The following WDPCP variants were observed in gnomAD, a reference collection of about 807,000 sequenced individuals.
WDPCP encodes the protein WD repeat-containing and planar cell polarity effector protein fritz homolog.
Under a neutral mutation model 93.1 loss-of-function variants are expected in WDPCP, and 71 were observed. The ratio of observed to expected loss-of-function variants is 0.76; its 90% confidence interval spans 0.63 to 0.93. WDPCP has a LOEUF of 0.93. Among genes scored for constraint, WDPCP ranks in the 40% least tolerant of loss-of-function variants. WDPCP has a pLI of 0.00. For missense variants in WDPCP, 844 were observed against 887.4 expected (o/e 0.95, Z 0.62); for synonymous variants, 315 against 315.0 (o/e 1.00, Z 0.00).
At chr2:63,252,716 C>T (rs1041523791) in intron 14 of WDPCP, among the ~76,000 whole-genome samples, 17 of 151,892 alleles carry the variant, frequency 1.1e-4, no homozygotes, top group African/African-American at 4.1e-4. Flanking sequence ...ATACACCTAA[C>T]CAAGGAAGTG....
At chr2:63,354,020 A>G (rs974553207) in intron 12 of WDPCP, among the ~76,000 whole-genome samples, 2 of 152,282 alleles carry the variant, frequency 1.3e-5, no homozygotes, top group Non-Finnish European at 1.5e-5. Context: ...CAGAGCCTTC[A>G]GGGGCAACTG....
At chr2:63,443,792 T>C (rs776262918) in intron 6 of WDPCP, among the ~76,000 whole-genome samples, 15 of 152,146 alleles carry the variant, frequency 9.9e-5, no homozygotes, top group Non-Finnish European at 1.9e-4. Flanking sequence ...TTGAGATATA[T>C]TTTAAAAAGT....
Position 63,158,767 on chromosome 2 carries a change from T to C in WDPCP, c.2079-5193A>G, listed in dbSNP as rs575411953. Reference sequence around the variant, plus strand: ...TTTGTTGTTCATTGGATACTTTCAATTGATCTGTCTTCAAGTTCATTGACT... The same window carrying C: ...TTTGTTGTTCATTGGATACTTTCAACTGATCTGTCTTCAAGTTCATTGACT... On this transcript the variant is annotated intron_variant, in intron 15 of 17. Coordinates refer to ENST00000272321, the MANE Select transcript of WDPCP (RefSeq NM_015910.7). Among the ~76,000 whole-genome samples the C allele has an allele frequency of 3.3e-5, 5 of 152,164 alleles. No homozygotes were observed. The East Asian group carries it at 9.7e-4, about 29-fold the overall frequency.
chr2:63,394,278 G>GA (rs758488159), intron 10 of WDPCP, among the ~76,000 whole-genome samples: 4 of 151,810 alleles, frequency 2.6e-5, no homozygotes, highest in Non-Finnish European at 5.9e-5. Context: ...ACAACCATAT[G>GA]AAAAAATGCT....
At chr2:63,360,457 G>GA (rs1377909530) in intron 12 of WDPCP, among the ~76,000 whole-genome samples, 2 of 152,032 alleles carry the variant, frequency 1.3e-5, no homozygotes, top group South Asian at 2.1e-4. Context: ...TTTCCCAAAT[G>GA]AAAAAATTCT....
rs528264652 is a variant in WDPCP at position 63,714,928 on chromosome 2, T to C, written n.309-64090A>G. 3.3e-5 allele frequency among the ~76,000 whole-genome samples: 5 copies of C among 152,334 alleles called. No individual in the cohort carries two copies. The East Asian group carries it at 9.6e-4, about 29-fold the overall frequency. ...TGGCAACAACCCAGGTGTCAATCCA[T>C]AGATGAATGAATAAACCAATTGTGA... On this transcript the variant is annotated intron_variant and non_coding_transcript_variant, in intron 2 of 4. Transcript: ENST00000467687.
intron 9 of WDPCP, among the ~76,000 whole-genome samples, chr2:63,414,213 T>G (rs1695232845): frequency 6.6e-6 from 1 of 152,154 alleles, no homozygotes; most frequent in African/African-American, 2.4e-5. Context: ...CAGAGAACAC[T>G]TCTATGCTGC....
At chr2:63,195,750 CA>C (rs1675383840) in intron 14 of WDPCP, among the ~76,000 whole-genome samples, 1 of 151,682 alleles carries the variant, frequency 6.6e-6, no homozygotes, top group African/African-American at 2.4e-5. Context: ...TTCATGAATT[CA>C]AAAAAACATG....
intron 6 of WDPCP, among the ~76,000 whole-genome samples, chr2:63,479,454 T>A (rs1046227065): frequency 6.6e-6 from 1 of 152,124 alleles, no homozygotes; most frequent in Non-Finnish European, 1.5e-5. Context: ...ACTAGCTAAC[T>A]GAATTCAACA....
At chr2:63,600,240 C>A (rs1709393448) in intron 3 of WDPCP, among the ~76,000 whole-genome samples, 1 of 152,202 alleles carries the variant, frequency 6.6e-6, no homozygotes, top group Admixed American at 6.5e-5. Context: ...ATTTGTTAAG[C>A]ATCTACTGTA....
intron 2 of WDPCP, among the ~76,000 whole-genome samples, chr2:63,790,337 A>G (rs1278204017): frequency 6.6e-6 from 1 of 152,212 alleles, no homozygotes; most frequent in Non-Finnish European, 1.5e-5. Context: ...GGGTGCCCCA[A>G]ATGGGAGAAA....
chr2:63,228,687 G>C (rs1395648568), intron 14 of WDPCP: 1 of 151,758 alleles, frequency 6.6e-6, no homozygotes, highest in African/African-American at 2.4e-5. Flanking sequence ...ATGGTGTTTG[G>C]TTTTTTGTCC....
chr2:63,393,646 A>C (rs1693470594), intron 10 of WDPCP, among the ~76,000 whole-genome samples: 1 of 152,170 alleles, frequency 6.6e-6, no homozygotes, highest in Non-Finnish European at 1.5e-5. Context: ...ACAAAGCTGG[A>C]GGCATCACAA....
intron 13 of WDPCP, among the ~76,000 whole-genome samples, chr2:63,311,721 A>T (rs1686201902): frequency 6.6e-6 from 1 of 152,160 alleles, no homozygotes; most frequent in Non-Finnish European, 1.5e-5. Flanking sequence ...TATTGGCTAA[A>T]CTGAGACCGA....
chr2:63,197,442 G>A (rs954032540), intron 14 of WDPCP, among the ~76,000 whole-genome samples: 1 of 152,048 alleles, frequency 6.6e-6, no homozygotes, highest in East Asian at 1.9e-4. Flanking sequence ...ACTTCATGGG[G>A]GTGCCCCTAA....
chr2:63,433,984 C>G lies in WDPCP; in HGVS notation c.634-48G>C, dbSNP rs368513461. On this transcript the variant is annotated intron_variant, in intron 8 of 17. Transcript: ENST00000272321. ...CATGAAACATTTCTTTTAAAAGATG[C>G]AAAATCCTCAAGTATTACAAAAATT... The G allele has an allele frequency of 2.9e-5, 45 of 1,566,872 alleles. No individual in the cohort carries two copies. In the East Asian group the frequency reaches 5.2e-4, roughly 18 times the overall value.
At chr2:63,280,703 A>T (rs1683469576) in intron 13 of WDPCP, among the ~76,000 whole-genome samples, 2 of 152,204 alleles carry the variant, frequency 1.3e-5, no homozygotes, top group African/African-American at 2.4e-5. Flanking sequence ...ATCTTCAACA[A>T]AGCAAACAAA....
In WDPCP at chr2:63,200,288, TCAAAAAACTAAAAATAGAGCTA is replaced by T. The variant is rs1227043527; in HGVS notation, c.1916-25478_1916-25457del. 2.4e-4 allele frequency among the ~76,000 whole-genome samples: 37 copies of T among 152,122 alleles called. 2 individuals are homozygous for T. Among genetic ancestry groups the T allele is most frequent in the Admixed American group, 2.4e-3 (37 of 15,264 alleles). ...CTATGGAGAACAGGTTGGAGGTTCCTCAAAAAACTAAAAATAGAGCTACCATATGATTCAACAATCCCACTGC... is the reference window on the plus strand; with the variant it reads ...CTATGGAGAACAGGTTGGAGGTTCCTCCATATGATTCAACAATCCCACTGC... On this transcript the variant is annotated intron_variant, in intron 14 of 17. Coordinates refer to ENST00000272321, the MANE Select transcript of WDPCP (RefSeq NM_015910.7).
chr2:63,564,107 T>G (rs1228003486), intron 1 of WDPCP: 1 of 152,236 alleles, frequency 6.6e-6, no homozygotes, highest in Non-Finnish European at 1.5e-5. Flanking sequence ...TGCTAAACTT[T>G]GGTGGCTTCT....
Sources: gnomAD v4.1 joint callset for allele counts (sites outside exome capture counted in the v4.1 genomes callset) on GRCh38, gnomAD v4.1.1 for gene constraint, MANE v1.5 for transcripts, NCBI Gene and HGNC (gene_info 2026-07-23, HGNC 2026-07-21) for gene names.